Variants in ROBO2 observed in about 807,000 individuals in gnomAD.
ROBO2 encodes the protein roundabout guidance receptor 2.
A neutral mutation model predicts 160.8 loss-of-function variants in ROBO2; 53 were observed. The observed-to-expected ratio is 0.33, with a 90% CI of 0.26 to 0.41. The LOEUF is 0.41. Ranked by LOEUF, ROBO2 falls within the 10% of genes least tolerant of loss-of-function variation. ROBO2 has a pLI of 1.00. For missense variants in ROBO2, 1,577 were observed against 1,722.4 expected (o/e 0.92, Z 1.49); for synonymous variants, 664 against 611.7 (o/e 1.09, Z -1.26).
chr3:77,098,599 G>A (rs1448701672), intron 2 of ROBO2, among the ~76,000 whole-genome samples: 1 of 152,096 alleles, frequency 6.6e-6, no homozygotes, highest in Non-Finnish European at 1.5e-5. Flanking sequence ...TGTAATCCCA[G>A]CACTTTGGGA....
chr3:76,662,132 A>G (rs1325098790), intron 2 of ROBO2, among the ~76,000 whole-genome samples: 5 of 152,114 alleles, frequency 3.3e-5, no homozygotes, highest in Admixed American at 6.6e-5. Context: ...GGCCTGAACT[A>G]GTTTTTAAGT....
intron 2 of ROBO2, among the ~76,000 whole-genome samples, chr3:76,473,761 T>C (rs770577441): frequency 1.3e-5 from 2 of 151,984 alleles, no homozygotes; most frequent in Non-Finnish European, 2.9e-5. Context: ...AAGGAAGAAA[T>C]GTAAAAAAGA....
intron 22 of ROBO2, among the ~76,000 whole-genome samples, chr3:77,619,707 C>A (rs530814576): frequency 3.3e-5 from 5 of 152,288 alleles, no homozygotes; most frequent in African/African-American, 1.2e-4. Flanking sequence ...CTCCAAGCCC[C>A]CCCATAATCA....
chr3:76,083,833 T>C (rs1054995749), intron 2 of ROBO2, among the ~76,000 whole-genome samples: 1 of 152,138 alleles, frequency 6.6e-6, no homozygotes, highest in Admixed American at 6.6e-5. Flanking sequence ...CTCCTCTAAA[T>C]TGGTCACCAA....
At chr3:75,984,747 T>G (rs2065368624) in intron 2 of ROBO2, among the ~76,000 whole-genome samples, 1 of 151,446 alleles carries the variant, frequency 6.6e-6, no homozygotes, top group African/African-American at 2.4e-5. Flanking sequence ...ATCACACAAC[T>G]GGTAAGTGAT....
At chr3:77,010,717 T>C (rs1370743489) in intron 2 of ROBO2, among the ~76,000 whole-genome samples, 3 of 152,260 alleles carry the variant, frequency 2.0e-5, no homozygotes, top group Non-Finnish European at 4.4e-5. Flanking sequence ...ATTGAACTCT[T>C]AACTAAAACA....
chr3:77,270,738 T>C (rs1032014982), intron 2 of ROBO2, among the ~76,000 whole-genome samples: 2 of 151,986 alleles, frequency 1.3e-5, no homozygotes, highest in Admixed American at 6.6e-5. Context: ...AGCTCAGGAG[T>C]TCGAGACCAG....
intron 2 of ROBO2, among the ~76,000 whole-genome samples, chr3:76,590,477 A>AT (rs2086345815): frequency 6.6e-6 from 1 of 152,132 alleles, no homozygotes; most frequent in African/African-American, 2.4e-5. Flanking sequence ...ATCAATCTAC[A>AT]TTTTAGACAG....
At chr3:76,073,684 G>A (rs1467598845) in intron 2 of ROBO2, among the ~76,000 whole-genome samples, 2 of 152,138 alleles carry the variant, frequency 1.3e-5, no homozygotes, top group African/African-American at 2.4e-5. Context: ...TTAAATTGGA[G>A]TGTAGTCAAA....
intron 2 of ROBO2, among the ~76,000 whole-genome samples, chr3:76,167,969 A>T (rs1477117317): frequency 2.0e-5 from 3 of 152,198 alleles, no homozygotes; most frequent in African/African-American, 7.2e-5. Context: ...AAGCGCTGGT[A>T]GTGGCTGTGG....
chr3:76,453,437 C>T (rs887805618), intron 2 of ROBO2, among the ~76,000 whole-genome samples: 3 of 152,090 alleles, frequency 2.0e-5, no homozygotes, highest in Admixed American at 1.3e-4. Context: ...ATAGGGAATC[C>T]TTTCCCCATT....
intron 8 of ROBO2, among the ~76,000 whole-genome samples, chr3:77,557,537 A>G (rs1428346615): frequency 2.0e-5 from 3 of 151,952 alleles, no homozygotes; most frequent in Admixed American, 6.6e-5. Flanking sequence ...ATGATACTTC[A>G]CACACTTTCT....
Position 77,546,479 on chromosome 3 carries a change from A to G in ROBO2, c.1059+17A>G. The G allele has an allele frequency of 6.2e-6, 10 of 1,612,692 alleles. No individual in the cohort carries two copies. Among genetic ancestry groups the G allele is most frequent in the Non-Finnish European group, 7.6e-6 (9 of 1,178,958 alleles). ...GGCAGCCAGGTGAGTGTGAGGCTTC[A>G]CTGCTTTTCTGAAATCTCTGAACTT... On this transcript the variant is annotated intron_variant, in intron 7 of 25. Coordinates refer to ENST00000461745, the Ensembl canonical transcript of ROBO2.
intron 2 of ROBO2, among the ~76,000 whole-genome samples, chr3:76,358,331 A>G (rs2075299996): frequency 6.6e-6 from 1 of 151,902 alleles, no homozygotes; most frequent in Non-Finnish European, 1.5e-5. Context: ...AGTGTACAGT[A>G]CTGGGAATCT....
At chr3:76,187,737 C>T (rs960457936) in intron 2 of ROBO2, among the ~76,000 whole-genome samples, 13 of 152,132 alleles carry the variant, frequency 8.5e-5, no homozygotes, top group African/African-American at 3.1e-4. Context: ...GATTCTGTCT[C>T]TAAATGGTAC....
At chr3:77,499,750 G>A (rs952153516) in intron 5 of ROBO2, among the ~76,000 whole-genome samples, 2 of 150,718 alleles carry the variant, frequency 1.3e-5, no homozygotes, top group South Asian at 2.1e-4. Flanking sequence ...CCGGGTTCAA[G>A]TGATTCTCCT....
chr3:76,956,472 G>T (rs570904102), intron 2 of ROBO2, among the ~76,000 whole-genome samples: 1 of 151,626 alleles, frequency 6.6e-6, no homozygotes, highest in Non-Finnish European at 1.5e-5. Context: ...CAGGAGAATG[G>T]CGTGAATCCA....
intron 2 of ROBO2, among the ~76,000 whole-genome samples, chr3:75,989,824 G>A (rs1438359917): frequency 6.6e-6 from 1 of 152,232 alleles, no homozygotes; most frequent in African/African-American, 2.4e-5. Context: ...TATGTGCTAA[G>A]GATGCGTAAC....
intron 2 of ROBO2, among the ~76,000 whole-genome samples, chr3:76,773,475 T>C (rs1012270912): frequency 4.0e-5 from 6 of 150,960 alleles, no homozygotes; most frequent in Non-Finnish European, 8.9e-5. Flanking sequence ...GCCTGGGTCT[T>C]TCCTGCTTCT....
Sources: allele counts gnomAD v4.1 joint callset (sites outside exome capture counted in the v4.1 genomes callset), GRCh38; gene constraint gnomAD v4.1.1; transcripts MANE v1.5; gene names NCBI Gene and HGNC (gene_info 2026-07-23, HGNC 2026-07-21).